Variants in CARD19 observed in about 807,000 individuals in gnomAD.
CARD19 encodes caspase recruitment domain-containing protein 19.
A neutral mutation model predicts 24.1 loss-of-function variants in CARD19; 25 were observed. The ratio of observed to expected loss-of-function variants is 1.04; its 90% CI spans 0.76 to 1.45. The LOEUF is 1.45. CARD19 is among the 40% of genes most tolerant of loss of function. The pLI is 0.00. For missense variants in CARD19, 241 were observed against 247.4 expected (o/e 0.97, Z 0.17); for synonymous variants, 103 against 104.9 (o/e 0.98, Z 0.11).
intron 1 of CARD19, 106 bp from the exon 2 acceptor site, chr9:93,107,568 A>G (rs1463890966): frequency 7.5e-7 from 1 of 1,330,432 alleles, no homozygotes; most frequent in African/African-American, 1.5e-5. Flanking sequence ...CCTGGTGGGA[A>G]CCCACCTTGG....
At chr9:93,105,197 C>CGTGT (rs56089144) in intron 1 of CARD19, among the ~76,000 whole-genome samples, 1 of 150,446 alleles carries the variant, frequency 6.6e-6, no homozygotes, top group Non-Finnish European at 1.5e-5. Context: ...TGTGTGTGTG[C>CGTGT]GTGTGTGTGT....
chr9:93,112,602 G>T (rs935112645), intron 5 of CARD19, among the ~76,000 whole-genome samples: 1 of 152,216 alleles, frequency 6.6e-6, no homozygotes, highest in Non-Finnish European at 1.5e-5. Context: ...GGGCCCTTGA[G>T]CAGGTCACGT....
chr9:93,098,394 G>A (rs935279340), intron 1 of CARD19, among the ~76,000 whole-genome samples: 5 of 152,214 alleles, frequency 3.3e-5, no homozygotes, highest in African/African-American at 9.6e-5. Context: ...CAGCTCCCAC[G>A]GGGCCTTGAA....
chr9:93,111,474 C>G (rs1827481931), intron 3 of CARD19: 1 of 1,083,686 alleles, frequency 9.2e-7, no homozygotes, highest in African/African-American at 1.6e-5. Context: ...GCTGTGGTCT[C>G]TGACCCCCTG....
At chr9:93,097,012 G>A (rs1282272871) in intron 1 of CARD19, among the ~76,000 whole-genome samples, 2 of 152,152 alleles carry the variant, frequency 1.3e-5, no homozygotes, top group Non-Finnish European at 2.9e-5. Context: ...CCTCCCCAGG[G>A]CCTCTCTGGT....
At chr9:93,110,322 C>A in intron 2 of CARD19, 1 of 585,394 alleles carries the variant, frequency 1.7e-6, no homozygotes, top group East Asian at 3.1e-5. Flanking sequence ...GTGACCACTC[C>A]CAGCCTGTTT....
At chr9:93,099,623 C>T (rs1286630604) in intron 1 of CARD19, among the ~76,000 whole-genome samples, 1 of 152,228 alleles carries the variant, frequency 6.6e-6, no homozygotes, top group Non-Finnish European at 1.5e-5. Flanking sequence ...GCTAATTCAT[C>T]TTAGTTCTTT....
At position 93,100,089 on chromosome 9, in the gene CARD19, G is replaced by A. The variant is rs567743158; in HGVS notation, c.7+3737G>A. Among the ~76,000 whole-genome samples, 9 of 152,326 alleles carry A rather than the reference G, an allele frequency of 5.9e-5. No homozygotes were observed. The East Asian group carries it at 1.3e-3, about 23-fold the overall frequency. ...CAGGGCGAGCGTACTGAGACGGGCT[G>A]TTCTCACCTGGGCCTCAGTCTGTAG... On this transcript the variant is annotated intron_variant, in intron 1 of 5. Transcript: ENST00000375464.
chr9:93,108,102 C>T (rs756950028), intron 2 of CARD19, among the ~76,000 whole-genome samples: 9 of 152,068 alleles, frequency 5.9e-5, no homozygotes, highest in Non-Finnish European at 1.2e-4. Context: ...TGGGAGGTTA[C>T]AGGAGATAAC....
chr9:93,096,474 C>T lies in CARD19; in HGVS notation c.7+122C>T, dbSNP rs946851678. The T allele has an allele frequency of 2.1e-6, 2 of 932,920 alleles. No homozygotes were observed. Among genetic ancestry groups the T allele is most frequent in the Non-Finnish European group, 2.8e-6 (2 of 719,206 alleles). The allele number at this position is 932,920 out of a possible 1,614,324, so 57.8% of individuals were successfully genotyped here. On this transcript the variant is annotated intron_variant, in intron 1 of 5. Coordinates refer to ENST00000375464, the MANE Select transcript of CARD19 (RefSeq NM_032310.5). This position sits in a 1 kb window ranked among gnomAD's most constrained non-coding sequence, Gnocchi z 5.4. ...CGCCTGGGCAGCGGGGGCCGAGTGACCTTGGCCCGTCAGCTGTCGGTGGTG... is the reference window on the plus strand; with the variant it reads ...CGCCTGGGCAGCGGGGGCCGAGTGATCTTGGCCCGTCAGCTGTCGGTGGTG...
intron 1 of CARD19, among the ~76,000 whole-genome samples, chr9:93,100,174 A>G (rs1392694373): frequency 3.3e-5 from 5 of 152,236 alleles, no homozygotes; most frequent in Admixed American, 2.0e-4. Flanking sequence ...ATTCTGGGGT[A>G]CAGAAAGACC....
In CARD19 at chr9:93,113,135, C is replaced by A; in HGVS notation, c.*28C>A. 1 of 1,464,270 alleles carries A rather than the reference C, an allele frequency of 6.8e-7. No individual in the cohort carries two copies. The highest frequency in any genetic ancestry group is 1.4e-5 in the African/African-American group (1 of 71,270). 90.7% of individuals were successfully genotyped at this position (1,464,270 alleles called of 1,614,324 possible). A position where few individuals can be genotyped will look rare whatever the true frequency, so the allele number is the denominator to read the frequency against. On this transcript the variant is annotated 3_prime_UTR_variant, in exon 6 of 6. Transcript: ENST00000375464. Reference sequence around the variant, plus strand: ...GACCCTGGACCCAGGGCCTCACCTGCCACTCAACCAAAGAGTCCTCGAGCC... The same window carrying A: ...GACCCTGGACCCAGGGCCTCACCTGACACTCAACCAAAGAGTCCTCGAGCC...
In CARD19 at chr9:93,096,951, T is replaced by C. The variant is rs1302075433; in HGVS notation, c.7+599T>C. On this transcript the variant is annotated intron_variant, in intron 1 of 5. Transcript: ENST00000375464. The surrounding 1 kb of genome is among the most constrained non-coding windows in gnomAD (Gnocchi z 5.4). ...TTCTAAGAGAATCGGGGACAGCGACTGGACCCCCCAAGGTTGTTGTGCTCC... is the reference window on the plus strand; with the variant it reads ...TTCTAAGAGAATCGGGGACAGCGACCGGACCCCCCAAGGTTGTTGTGCTCC... 6.6e-6 allele frequency among the ~76,000 whole-genome samples: 1 copy of C among 152,194 alleles called. No homozygotes were observed. The highest frequency in any genetic ancestry group is 2.4e-5 in the African/African-American group (1 of 41,450).
chr9:93,096,241 C>A lies in CARD19; in HGVS notation c.-105C>A. On this transcript the variant is annotated 5_prime_UTR_variant, in exon 1 of 6. Transcript: ENST00000375464. This position sits in a 1 kb window ranked among gnomAD's most constrained non-coding sequence, Gnocchi z 5.4. ...CCAAAAGGGGCGGGCGAGCACGGCC[C>A]GCGGGCGGCGTTCGCTGGAGCTGGT... The A allele has an allele frequency of 8.6e-7, 1 of 1,163,406 alleles. No individual in the cohort carries two copies. The highest frequency in any genetic ancestry group is 1.1e-6 in the Non-Finnish European group (1 of 928,840). The allele number at this position is 1,163,406 out of a possible 1,614,324, so 72.1% of individuals were successfully genotyped here.
At chr9:93,099,539 T>C (rs1827001482) in intron 1 of CARD19, among the ~76,000 whole-genome samples, 1 of 152,176 alleles carries the variant, frequency 6.6e-6, no homozygotes, top group African/African-American at 2.4e-5. Flanking sequence ...TGCAAAGCTG[T>C]TGGAAGGATG....
rs769238763 is a variant in CARD19, at chr9:93,111,923, G to A, written c.349G>A (p.Glu117Lys). 4.3e-6 allele frequency: 7 copies of A among 1,611,392 alleles called. No homozygotes were observed. Among genetic ancestry groups the A allele is most frequent in the Non-Finnish European group, 5.9e-6 (7 of 1,179,698 alleles). Residue 117 changes from glutamate to lysine, a missense_variant, in exon 4 of 6, where the codon GAG becomes AAG. Glu to Lys is a moderately conservative substitution (Grantham distance 56). Transcript: ENST00000375464. The part of the protein sequence containing the change: ...TELDSGSQSG[E>K]LSNRGPMSFL... ...GCTAGACTCGGGCAGCCAGAGCGGC[G>A]AGCTGAGTAACAGGGGTAACACCTC...
intron 1 of CARD19, among the ~76,000 whole-genome samples, chr9:93,105,197 C>CGT (rs56089144): frequency 1.2e-3 from 177 of 150,442 alleles, no homozygotes; most frequent in South Asian, 2.1e-3. Context: ...TGTGTGTGTG[C>CGT]GTGTGTGTGT....
chr9:93,111,776 G>T (rs1237927820), intron 3 of CARD19, 103 bp from the exon 4 acceptor site: 1 of 1,530,260 alleles, frequency 6.5e-7, no homozygotes, highest in African/African-American at 1.4e-5. Flanking sequence ...GTTCGGCCTG[G>T]CGGCCCCAGG....
At chr9:93,100,039 C>T (rs1308531959) in intron 1 of CARD19, among the ~76,000 whole-genome samples, 2 of 152,234 alleles carry the variant, frequency 1.3e-5, no homozygotes, top group Non-Finnish European at 2.9e-5. Context: ...TGGATCTGCC[C>T]ATCACCGTGG....
Sources: gnomAD v4.1 joint callset for allele counts (sites outside exome capture counted in the v4.1 genomes callset) on GRCh38, gnomAD v4.1.1 for gene constraint, Gnocchi (gnomAD v3.1) non-coding constraint, MANE v1.5 for transcripts, NCBI Gene and HGNC (gene_info 2026-07-23, HGNC 2026-07-21) for gene names.